The following ITGA3 variants were observed in gnomAD, a reference collection of about 807,000 sequenced individuals.
The protein encoded by ITGA3 is integrin alpha-3.
A neutral mutation model predicts 131.1 loss-of-function variants in ITGA3; 70 were observed. The observed-to-expected ratio is 0.53, with a 90% confidence interval of 0.44 to 0.65. The LOEUF (loss-of-function observed/expected upper bound fraction) is 0.65. ITGA3 is among the 30% of genes least tolerant of loss of function. The pLI, the probability that ITGA3 is intolerant of heterozygous loss-of-function variation, is 0.00. For synonymous variants in ITGA3, 537 were observed against 571.6 expected (o/e 0.94, Z 0.86); for missense variants, 1,098 against 1,388.6 (o/e 0.79, Z 3.33).
chr17:50,081,329 G>A lies in ITGA3; in HGVS notation c.2840G>A (p.Arg947Gln), dbSNP rs369919404. ...TFIEDYRDFD[R>Q]VRVNGWATLF... is the part of the protein sequence containing the mutation. ...ATCCAGGATTACAGAGACTTTGACC[G>A]AGTCCGGGTAAATGGCTGGGCTACC... is the stretch of plus-strand genomic sequence containing the variant. Residue 947 changes from arginine to glutamine, a missense_variant, in exon 23 of 26, where the codon CGA becomes CAA. Physicochemically the swap from Arg to Gln is conservative, Grantham distance 43. Transcript: ENST00000320031. 1.3e-5 allele frequency: 20 copies of A among 1,589,936 alleles called. No homozygotes were observed. Among genetic ancestry groups the A allele is most frequent in the Middle Eastern group, 1.6e-4 (1 of 6,064 alleles).
chr17:50,078,863 G>T lies in ITGA3; in HGVS notation c.2337G>T (p.Val779=). 4 of 1,613,618 alleles carry T rather than the reference G, an allele frequency of 2.5e-6. No individual in the cohort carries two copies. The highest frequency in any genetic ancestry group is 3.4e-6 in the Non-Finnish European group (4 of 1,179,544). ...HRLQSFFGGT[V]MGESGMKTVE... ...TACAAAGCTTCTTTGGGGGGACAGT[G>T]ATGGGTGAGTCTGGCATGAAAACTG... The change falls in exon 19 of 26, where the codon GTG becomes GTT. Residue 779 remains valine (V), a synonymous_variant. Transcript: ENST00000320031.
At chr17:50,059,795 G>A (rs764589287) in intron 1 of ITGA3, among the ~76,000 whole-genome samples, 6 of 152,198 alleles carry the variant, frequency 3.9e-5, no homozygotes, top group Non-Finnish European at 8.8e-5. Context: ...TGCCCTCGGG[G>A]GTCAAATACA....
At position 50,056,457 on chromosome 17, in the gene ITGA3, C is replaced by G. The variant is rs1466071062; in HGVS notation, c.18C>G (p.Ser6Arg). The change falls in exon 1 of 26, where the codon AGC (serine) becomes AGG (arginine). Residue 6 changes from serine (S) to arginine (R), a missense_variant. By Grantham distance (110) the Ser-to-Arg change is moderately radical. Around this residue, in one of 3 missense-constraint regions of ITGA3, gnomAD observed 43 missense variants for 30.3 expected, o/e 1.42. Transcript: ENST00000320031. The surrounding 1 kb of genome is among the most constrained non-coding windows in gnomAD (Gnocchi z 5.6). MGPGP[S>R]RAPRAPRLML... ...TGGCAGCCATGGGCCCCGGCCCCAG[C>G]CGCGCGCCCCGCGCCCCACGCCTGA... 2 of 1,534,838 alleles carry G rather than the reference C, an allele frequency of 1.3e-6. No individual in the cohort carries two copies. Among genetic ancestry groups the G allele is most frequent in the Non-Finnish European group, 1.8e-6 (2 of 1,140,818 alleles).
chr17:50,077,274 A>C, intron 15 of ITGA3, 105 bp from the exon 16 acceptor site: 1 of 1,326,174 alleles, frequency 7.5e-7, no homozygotes, highest in Non-Finnish European at 1.1e-6. Flanking sequence ...TGCTGCTTGG[A>C]GAATCCGGCT....
chr17:50,067,525 G>A (rs1434765372), intron 3 of ITGA3, among the ~76,000 whole-genome samples: 2 of 152,126 alleles, frequency 1.3e-5, no homozygotes, highest in Non-Finnish European at 2.9e-5. Context: ...ATCTAAAATG[G>A]GGGAAATAAT....
In ITGA3 at chr17:50,077,086, G is replaced by T. The variant is rs1210139456; in HGVS notation, c.2035G>T (p.Val679Leu). Residue 679 changes from valine (V) to leucine (L), a missense_variant, in exon 15 of 26, where the codon GTG becomes TTG. Coordinates refer to ENST00000320031, the MANE Select transcript of ITGA3 (RefSeq NM_002204.4). ...DAHEALLTLVVPPALLLSSVR... is the reference protein window; with the variant it reads ...DAHEALLTLVLPPALLLSSVR... Reference sequence around the variant, plus strand: ...CCACGAGGCGCTGCTCACCCTGGTGGTGCCTCCCGCCCTGCTGCTGTCCTC... The same window carrying T: ...CCACGAGGCGCTGCTCACCCTGGTGTTGCCTCCCGCCCTGCTGCTGTCCTC... The T allele has an allele frequency of 3.2e-6, 5 of 1,582,864 alleles. No homozygotes were observed. Among genetic ancestry groups the T allele is most frequent in the Non-Finnish European group, 4.3e-6 (5 of 1,162,310 alleles).
At position 50,076,605 on chromosome 17, in the gene ITGA3, G is replaced by T; in HGVS notation, c.1846G>T (p.Gly616Trp). The T allele has an allele frequency of 6.2e-7, 1 of 1,613,530 alleles. No homozygotes were observed. The change falls in exon 14 of 26, where the codon GGG becomes TGG. Residue 616 changes from glycine to tryptophan, a missense_variant. Coordinates refer to ENST00000320031, the MANE Select transcript of ITGA3 (RefSeq NM_002204.4). ...CCAGGTCCAGTTCCAGAAGGAGTGCGGGCCTGACAACAAGTGTGAGAGCAA... is the reference window on the plus strand; with the variant it reads ...CCAGGTCCAGTTCCAGAAGGAGTGCTGGCCTGACAACAAGTGTGAGAGCAA... ...HTEVQFQKECGPDNKCESNLQ... is the reference protein window; with the variant it reads ...HTEVQFQKECWPDNKCESNLQ...
At position 50,064,505 on chromosome 17, in the gene ITGA3, C is replaced by CA. The variant is rs767533477; in HGVS notation, c.335-22dup. ...GAAGTATGGGTGAGGTGCTCTGATT[C>CA]ATGATCCTTCCGGTGCCCACAGATG... On this transcript the variant is annotated intron_variant, in intron 2 of 25. Coordinates refer to ENST00000320031, the MANE Select transcript of ITGA3 (RefSeq NM_002204.4). The surrounding 1 kb of genome is among the most constrained non-coding windows in gnomAD (Gnocchi z 4.4). 6.3e-5 allele frequency: 101 copies of CA among 1,601,742 alleles called. 1 individual carries two copies. The South Asian group carries it at 1.1e-3, about 18-fold the overall frequency.
rs560779676 is a variant in ITGA3 at position 50,090,369 on chromosome 17, C to A, written c.*1291C>A. On this transcript the variant is annotated 3_prime_UTR_variant, in exon 26 of 26. Transcript: ENST00000320031. Reference sequence around the variant, plus strand: ...ACCCCTGCCTGTTGGCAGGCCCACTCCCCAGCCCCAGCCCCTTCCATGGTA... The same window carrying A: ...ACCCCTGCCTGTTGGCAGGCCCACTACCCAGCCCCAGCCCCTTCCATGGTA... The A allele has an allele frequency of 2.6e-6, 1 of 386,054 alleles. No homozygotes were observed. Among genetic ancestry groups the A allele is most frequent in the South Asian group, 1.8e-5 (1 of 56,262 alleles). 23.9% of individuals were successfully genotyped at this position (386,054 alleles called of 1,614,324 possible). A position where few individuals can be genotyped will look rare whatever the true frequency, so the allele number is the denominator to read the frequency against.
At position 50,078,933 on chromosome 17, in the gene ITGA3, G is replaced by C. The variant is rs371199306; in HGVS notation, c.2400+7G>C. The C allele has an allele frequency of 6.3e-7, 1 of 1,583,752 alleles. No individual in the cohort carries two copies. The highest frequency in any genetic ancestry group is 1.1e-5 in the South Asian group (1 of 90,458). On this transcript the variant is annotated splice_region_variant and intron_variant, in intron 19 of 25. Coordinates refer to ENST00000320031, the MANE Select transcript of ITGA3 (RefSeq NM_002204.4). ...CCTCAAGTATGAATTCCAGGTAAGG[G>C]GCTCGCCAGAGTCCTGGGCTGGGGA...
At position 50,064,807 on chromosome 17, in the gene ITGA3, A is replaced by AT. The variant is rs373202350; in HGVS notation, c.414+200_414+201insT. On this transcript the variant is annotated intron_variant, in intron 3 of 25. Coordinates refer to ENST00000320031, the MANE Select transcript of ITGA3 (RefSeq NM_002204.4). The surrounding 1 kb of genome is among the most constrained non-coding windows in gnomAD (Gnocchi z 4.4). ...GGGTGAGTATCCTGTGCTCTCCCAAACCCCCGCACGGCCTGAGTTCTCTGA... is the reference window on the plus strand; with the variant it reads ...GGGTGAGTATCCTGTGCTCTCCCAAATCCCCCGCACGGCCTGAGTTCTCTGA... 623 of 523,422 alleles carry AT rather than the reference A, an allele frequency of 1.2e-3. 13 individuals carry two copies. The East Asian group carries it at 0.02, about 17-fold the overall frequency. 32.4% of individuals were successfully genotyped at this position (523,422 alleles called of 1,614,324 possible). A position where few individuals can be genotyped will look rare whatever the true frequency, so the allele number is the denominator to read the frequency against.
intron 4 of ITGA3, among the ~76,000 whole-genome samples, 189 bp from the exon 5 acceptor site, chr17:50,070,644 CAAAAAAAAAAA>C (rs59600840): frequency 7.8e-4 from 54 of 69,470 alleles, no homozygotes; most frequent in African/African-American, 2.1e-3. Flanking sequence ...AAGACTGTCT[CAAAAAAAAAAA>C]AAAAAAAAAA....
At chr17:50,076,058 G>T (rs899651001) in intron 12 of ITGA3, among the ~76,000 whole-genome samples, 3 of 152,138 alleles carry the variant, frequency 2.0e-5, no homozygotes, top group Admixed American at 6.5e-5. Flanking sequence ...TGGGACATCA[G>T]GGTGGAAGGG....
rs919564171 is a variant in ITGA3 at position 50,071,391 on chromosome 17, A to G, written c.832A>G (p.Met278Val). The change falls in exon 6 of 26, where the codon ATG (methionine) becomes GTG (valine). Residue 278 changes from methionine (M) to valine (V), a missense_variant. Around this residue, in one of 3 missense-constraint regions of ITGA3, gnomAD observed 356 missense variants for 529.2 expected, o/e 0.67. Transcript: ENST00000320031. ...GACAGGTGCCCCACGGCACCGACAT[A>G]TGGGCGCGGTGTTCTTGCTGAGCCA... ...IVTGAPRHRH[M>V]GAVFLLSQEA... is the part of the protein sequence containing the mutation. 6 of 1,614,150 alleles carry G rather than the reference A, an allele frequency of 3.7e-6. No individual in the cohort carries two copies. The highest frequency in any genetic ancestry group is 5.1e-6 in the Non-Finnish European group (6 of 1,180,032).
rs374952208 is a variant in ITGA3 at position 50,075,694 on chromosome 17, A to T, written c.1633A>T (p.Met545Leu). ...CGCTGTCTTCCACGGCTTCTTCTCC[A>T]TGCCCGAGATGCGCTGCCAGAAGCT... ...ESAVFHGFFS[M>L]PEMRCQKLEL... The change falls in exon 12 of 26, where the codon ATG (methionine) becomes TTG (leucine). Residue 545 changes from methionine to leucine, a missense_variant. Met to Leu is a conservative substitution (Grantham distance 15). This residue lies in a region of ITGA3 where 699 missense variants were observed against 829.2 expected (regional missense o/e 0.84). Transcript: ENST00000320031. The T allele has an allele frequency of 2.3e-5, 37 of 1,614,078 alleles. No individual in the cohort carries two copies. The highest frequency in any genetic ancestry group is 3.1e-5 in the Non-Finnish European group (37 of 1,179,978).
In ITGA3 at chr17:50,064,211, G is replaced by A. The variant is rs1248716596; in HGVS notation, c.334+7G>A. 3.0e-5 allele frequency: 48 copies of A among 1,602,514 alleles called. No homozygotes were observed. The highest frequency in any genetic ancestry group is 3.8e-5 in the Non-Finnish European group (45 of 1,175,368). On this transcript the variant is annotated splice_region_variant and intron_variant, in intron 2 of 25. Transcript: ENST00000320031. The surrounding 1 kb of genome is among the most constrained non-coding windows in gnomAD (Gnocchi z 4.4). ...ATGAACATCACAGTGAAAAGTGAGGGGAAGGGGCTGGGGAGGGGTGCTGGG... is the reference window on the plus strand; with the variant it reads ...ATGAACATCACAGTGAAAAGTGAGGAGAAGGGGCTGGGGAGGGGTGCTGGG...
chr17:50,070,765 T>C, intron 4 of ITGA3, 79 bp from the exon 5 acceptor site: 1 of 628,852 alleles, frequency 1.6e-6, no homozygotes, highest in Non-Finnish European at 2.7e-6. Context: ...GGGGTGGGGG[T>C]GGGCTGGACA....
chr17:50,073,775 T>C, intron 7 of ITGA3, 141 bp from the exon 8 acceptor site: 1 of 663,192 alleles, frequency 1.5e-6, no homozygotes, highest in Non-Finnish European at 2.7e-6. Flanking sequence ...AGAGCTCTGC[T>C]CTGTCCCTGA....
intron 23 of ITGA3, among the ~76,000 whole-genome samples, chr17:50,084,935 G>C (rs549568939): frequency 7.2e-5 from 11 of 152,236 alleles, no homozygotes; most frequent in South Asian, 2.1e-4. Flanking sequence ...GAAAGAGACC[G>C]GGCGTGGTGG....
Sources: gnomAD v4.1 joint callset for allele counts (sites outside exome capture counted in the v4.1 genomes callset) on GRCh38, gnomAD v4.1.1 for gene constraint, gnomAD v4.1.1 regional missense constraint, Gnocchi (gnomAD v3.1) non-coding constraint, MANE v1.5 for transcripts, NCBI Gene and HGNC (gene_info 2026-07-23, HGNC 2026-07-21) for gene names.